MAP3K5: variants seen among roughly 807,000 people sequenced by gnomAD.
MAP3K5 encodes the protein mitogen-activated protein kinase kinase kinase 5, also known as ASK-1.
MAP3K5 carries 56 observed loss-of-function variants against 158.7 expected under a neutral mutation model. The observed-to-expected ratio is 0.35, with a 90% CI of 0.28 to 0.44. MAP3K5 has a LOEUF of 0.44. Ranked by LOEUF, MAP3K5 falls within the 20% of genes least tolerant of loss-of-function variation. The probability of loss-of-function intolerance (pLI) is 1.00; values close to 1 mark genes in which losing one functional copy is unlikely to be tolerated. For synonymous variants in MAP3K5, 579 were observed against 601.7 expected (o/e 0.96, Z 0.55); for missense variants, 1,294 against 1,674.8 (o/e 0.77, Z 3.97).
At chr6:136,604,326 A>C (rs1776007973) in intron 19 of MAP3K5, among the ~76,000 whole-genome samples, 1 of 151,922 alleles carries the variant, frequency 6.6e-6, no homozygotes, top group Non-Finnish European at 1.5e-5. Flanking sequence ...TGTCTCCACA[A>C]AAAAAAAGAA....
At chr6:136,582,670 A>G (rs978922413) in intron 24 of MAP3K5, among the ~76,000 whole-genome samples, 1 of 152,220 alleles carries the variant, frequency 6.6e-6, no homozygotes, top group Admixed American at 6.5e-5. Context: ...GGATCATTTG[A>G]TGTTGCAAAT....
intron 13 of MAP3K5, 86 bp downstream of exon 13, chr6:136,639,457 T>C: frequency 1.5e-6 from 1 of 681,590 alleles, no homozygotes; most frequent in Middle Eastern, 2.9e-4. Context: ...CCATGCATTC[T>C]TCACAGGAGG....
intron 25 of MAP3K5, among the ~76,000 whole-genome samples, chr6:136,577,605 G>C (rs563718277): frequency 1.3e-4 from 20 of 152,190 alleles, no homozygotes; most frequent in Non-Finnish European, 2.5e-4. Flanking sequence ...ACTCGTGCAA[G>C]GACAGCTCCC....
intron 7 of MAP3K5, among the ~76,000 whole-genome samples, chr6:136,673,018 GA>G (rs1297537489): frequency 1.4e-5 from 2 of 146,712 alleles, no homozygotes; most frequent in African/African-American, 2.5e-5. Context: ...AAAAGAAAAA[GA>G]AAAAAAGCAA....
Position 136,592,627 on chromosome 6 carries a change from A to C in MAP3K5, c.2879-13T>G, listed in dbSNP as rs374566505. ...CTCCTGAGATATTCTGCTTGTGATG[A>C]GAGGAGGGAAAAGATAATTGACACT... On this transcript the variant is annotated splice_polypyrimidine_tract_variant and intron_variant, in intron 21 of 29. Coordinates refer to ENST00000359015, the MANE Select transcript of MAP3K5 (RefSeq NM_005923.4). The C allele has an allele frequency of 6.2e-7, 1 of 1,609,190 alleles. No individual in the cohort carries two copies. Among genetic ancestry groups the C allele is most frequent in the Non-Finnish European group, 8.5e-7 (1 of 1,176,174 alleles).
chr6:136,623,662 C>A (rs1399070227), intron 14 of MAP3K5, among the ~76,000 whole-genome samples: 1 of 152,154 alleles, frequency 6.6e-6, no homozygotes, highest in Non-Finnish European at 1.5e-5. Context: ...GTAGAGACCT[C>A]CTCAGATCTG....
At chr6:136,619,883 A>T (rs1475403148) in intron 15 of MAP3K5, among the ~76,000 whole-genome samples, 1 of 152,234 alleles carries the variant, frequency 6.6e-6, no homozygotes, top group Non-Finnish European at 1.5e-5. Flanking sequence ...GAATCAAATG[A>T]ATCCTGGAGG....
intron 17 of MAP3K5, 142 bp downstream of exon 17, chr6:136,612,978 C>A (rs375870504): frequency 1.8e-5 from 14 of 778,268 alleles, no homozygotes; most frequent in Non-Finnish European, 2.5e-5. Context: ...CAGGGTTGAA[C>A]GATATTTTAT....
intron 1 of MAP3K5, among the ~76,000 whole-genome samples, chr6:136,782,289 A>T (rs1303525181): frequency 9.2e-5 from 14 of 151,712 alleles, no homozygotes; most frequent in African/African-American, 3.1e-4. Context: ...CAAAATAAAA[A>T]AAAAAAAAAA....
At chr6:136,573,983 T>A (rs185910528) in intron 25 of MAP3K5, among the ~76,000 whole-genome samples, 2 of 151,562 alleles carry the variant, frequency 1.3e-5, no homozygotes, top group East Asian at 3.9e-4. Context: ...CAGGCTGGAG[T>A]GCAGTGGCAT....
chr6:136,619,892 G>T lies in MAP3K5; in HGVS notation c.2150+2956C>A, dbSNP rs1212152271. Among the ~76,000 whole-genome samples the T allele has an allele frequency of 5.3e-5, 8 of 152,342 alleles. No individual in the cohort carries two copies. The South Asian group carries it at 1.7e-3, about 32-fold the overall frequency. ...AGAGAGGAATCAAATGAATCCTGGAGGTTAGCCTGAGCAGCTGGATACATG... is the reference window on the plus strand; with the variant it reads ...AGAGAGGAATCAAATGAATCCTGGATGTTAGCCTGAGCAGCTGGATACATG... On this transcript the variant is annotated intron_variant, in intron 15 of 29. Transcript: ENST00000359015.
At chr6:136,735,314 G>A (rs1292024193) in intron 1 of MAP3K5, among the ~76,000 whole-genome samples, 1 of 152,166 alleles carries the variant, frequency 6.6e-6, no homozygotes, top group Non-Finnish European at 1.5e-5. Context: ...AAGAGGAGAT[G>A]AAAGTAGAAA....
intron 21 of MAP3K5, among the ~76,000 whole-genome samples, chr6:136,599,499 C>T (rs1266710914): frequency 6.7e-6 from 1 of 149,428 alleles, no homozygotes; most frequent in Non-Finnish European, 1.5e-5. Context: ...CTCTCTCTCT[C>T]TCTCATATAT....
At chr6:136,717,730 T>C (rs974477232) in intron 2 of MAP3K5, among the ~76,000 whole-genome samples, 5 of 152,180 alleles carry the variant, frequency 3.3e-5, no homozygotes, top group African/African-American at 9.7e-5. Flanking sequence ...ACACCAACTC[T>C]TTTCGGTAGC....
At position 136,567,900 on chromosome 6, in the gene MAP3K5, T is replaced by C. The variant is rs754952257; in HGVS notation, c.3518-26A>G. On this transcript the variant is annotated intron_variant, in intron 25 of 29. Transcript: ENST00000359015. Reference sequence around the variant, plus strand: ...CTGTTTGGCATAATATCAGTGGTAGTGTTTATAAAATATGACTCATTGCCT... The same window carrying C: ...CTGTTTGGCATAATATCAGTGGTAGCGTTTATAAAATATGACTCATTGCCT... 28 of 1,606,804 alleles carry C rather than the reference T, an allele frequency of 1.7e-5. No individual in the cohort carries two copies. The East Asian group carries it at 6.2e-4, about 36-fold the overall frequency.
chr6:136,592,692 G>A, intron 21 of MAP3K5, 78 bp from the exon 22 acceptor site: 1 of 1,195,816 alleles, frequency 8.4e-7, no homozygotes, highest in South Asian at 1.2e-5. Context: ...ATTGAAAGAG[G>A]CCATATTCTT....
intron 8 of MAP3K5, among the ~76,000 whole-genome samples, chr6:136,666,718 A>T (rs1779245191): frequency 6.6e-6 from 1 of 152,226 alleles, no homozygotes; most frequent in Non-Finnish European, 1.5e-5. Context: ...TATGTTGATT[A>T]GCATAATTTA....
At chr6:136,571,599 C>T (rs1774369443) in intron 25 of MAP3K5, among the ~76,000 whole-genome samples, 1 of 152,206 alleles carries the variant, frequency 6.6e-6, no homozygotes, top group East Asian at 1.9e-4. Flanking sequence ...CTTTCTAAGG[C>T]TGAATAATAT....
chr6:136,780,589 G>A (rs1274557881), intron 1 of MAP3K5, among the ~76,000 whole-genome samples: 3 of 152,146 alleles, frequency 2.0e-5, no homozygotes, highest in Admixed American at 6.5e-5. Flanking sequence ...GGCGCTTCCT[G>A]TGAAGAATGC....
Sources: allele counts gnomAD v4.1 joint callset (sites outside exome capture counted in the v4.1 genomes callset), GRCh38; gene constraint gnomAD v4.1.1; transcripts MANE v1.5; gene names NCBI Gene and HGNC (gene_info 2026-07-23, HGNC 2026-07-21).